Variants in DNAH8 observed in about 807,000 individuals in gnomAD.
DNAH8 encodes dynein axonemal heavy chain 8, also known as axonemal beta dynein heavy chain 8.
DNAH8 carries 382 observed loss-of-function variants against 562.1 expected under a neutral mutation model. The ratio of observed to expected loss-of-function variants is 0.68; its 90% CI spans 0.63 to 0.74. DNAH8 has a LOEUF of 0.74. DNAH8 is among the 30% of genes least tolerant of loss of function. The pLI is 0.00. For synonymous variants in DNAH8, 1,881 were observed against 1,919.4 expected (o/e 0.98, Z 0.52); for missense variants, 5,203 against 5,620.4 (o/e 0.93, Z 2.37).
chr6:39,015,679 C>T (rs1264734510), intron 91 of DNAH8, among the ~76,000 whole-genome samples: 4 of 152,318 alleles, frequency 2.6e-5, no homozygotes, highest in African/African-American at 4.8e-5. Flanking sequence ...TACCCAGTTT[C>T]GGGTATGTCT....
chr6:38,982,467 G>C lies in DNAH8; in HGVS notation c.12951+5G>C. 1 of 1,326,794 alleles carries C rather than the reference G, an allele frequency of 7.5e-7. No individual in the cohort carries two copies. 82.2% of individuals were successfully genotyped at this position (1,326,794 alleles called of 1,614,324 possible). On this transcript the variant is annotated splice_donor_5th_base_variant and intron_variant, in intron 86 of 92. Coordinates refer to ENST00000327475, the MANE Select transcript of DNAH8 (RefSeq NM_001206927.2). ...GATGAATGCGATATTAAGAAAGTGA[G>C]TGAAATTATGCCTTTTTTCCTGTTT...
At chr6:38,977,479 C>T (rs1028382686) in intron 85 of DNAH8, among the ~76,000 whole-genome samples, 10 of 151,972 alleles carry the variant, frequency 6.6e-5, no homozygotes, top group Admixed American at 1.3e-4. Context: ...TGCCTGGGCT[C>T]GGTTTGGCTG....
At chr6:38,973,495 T>G (rs146148182) in intron 83 of DNAH8, among the ~76,000 whole-genome samples, 166 bp from the exon 84 acceptor site, 6 of 152,356 alleles carry the variant, frequency 3.9e-5, no homozygotes, top group Admixed American at 1.3e-4. Flanking sequence ...CTTGTACCAA[T>G]TACTTGTACC....
At chr6:38,985,866 A>G (rs894042647) in intron 87 of DNAH8, among the ~76,000 whole-genome samples, 1 of 152,134 alleles carries the variant, frequency 6.6e-6, no homozygotes, top group African/African-American at 2.4e-5. Context: ...GTTCCTGGGG[A>G]GGGACAATGC....
intron 24 of DNAH8, 137 bp from the exon 25 acceptor site, chr6:38,813,917 T>C (rs538656990): frequency 2.8e-6 from 2 of 707,350 alleles, no homozygotes; most frequent in Non-Finnish European, 5.1e-6. Flanking sequence ...TAGGGTTCTG[T>C]TATAAGTAAT....
intron 56 of DNAH8, among the ~76,000 whole-genome samples, chr6:38,885,678 C>G (rs1001131998): frequency 6.6e-6 from 1 of 152,198 alleles, no homozygotes; most frequent in African/African-American, 2.4e-5. Flanking sequence ...CTCAGTACCT[C>G]TGCATTTGCA....
intron 30 of DNAH8, among the ~76,000 whole-genome samples, chr6:38,829,583 G>A: frequency 6.6e-6 from 1 of 152,154 alleles, no homozygotes; most frequent in Admixed American, 6.5e-5. Context: ...ATTGTTTACT[G>A]AAAAAACTAT....
chr6:38,875,156 C>T (rs1338488667), intron 52 of DNAH8, among the ~76,000 whole-genome samples: 1 of 152,220 alleles, frequency 6.6e-6, no homozygotes, highest in Non-Finnish European at 1.5e-5. Flanking sequence ...ATTTACCAAA[C>T]AGGTGGCCAG....
intron 79 of DNAH8, among the ~76,000 whole-genome samples, chr6:38,943,094 G>A (rs1426518947): frequency 6.6e-6 from 1 of 152,202 alleles, no homozygotes; most frequent in Non-Finnish European, 1.5e-5. Flanking sequence ...GTCAGTGAGA[G>A]GAGTTTGGAT....
At chr6:38,887,864 G>A (rs62398568) in intron 57 of DNAH8, among the ~76,000 whole-genome samples, 24,065 of 121,712 alleles carry the variant, frequency 0.2, 2,359 homozygotes, top group Middle Eastern at 0.29. Flanking sequence ...GAGATGGAGT[G>A]TCACTCTTGT....
At chr6:38,787,121 G>T (rs1048053109) in intron 18 of DNAH8, among the ~76,000 whole-genome samples, 169 bp downstream of exon 18, 1 of 151,946 alleles carries the variant, frequency 6.6e-6, no homozygotes, top group Admixed American at 6.6e-5. Context: ...CCAAAGAAAA[G>T]ATTGGAAATG....
At chr6:38,760,422 AT>A (rs1267217771) in intron 10 of DNAH8, among the ~76,000 whole-genome samples, 2 of 147,264 alleles carry the variant, frequency 1.4e-5, no homozygotes, top group African/African-American at 2.5e-5. Context: ...AGCTTTTAGG[AT>A]TTTTTTTCTT....
chr6:38,822,727 G>C, intron 26 of DNAH8, 111 bp from the exon 27 acceptor site: 1 of 831,576 alleles, frequency 1.2e-6, no homozygotes, highest in Non-Finnish European at 1.7e-6. Flanking sequence ...GTTTCTTGGA[G>C]GGAGAATCTT....
At chr6:38,934,225 C>A (rs777874012) in intron 76 of DNAH8, among the ~76,000 whole-genome samples, 1 of 151,848 alleles carries the variant, frequency 6.6e-6, no homozygotes, top group Non-Finnish European at 1.5e-5. Flanking sequence ...TGGTGGTGCA[C>A]GCCTGTAGTC....
intron 74 of DNAH8, chr6:38,928,061 A>G (rs934601462): frequency 2.0e-5 from 3 of 152,340 alleles, no homozygotes; most frequent in South Asian, 2.1e-4. Context: ...GCTACCTTCA[A>G]TGCCATCTCC....
Position 38,842,683 on chromosome 6 carries a change from G to T in DNAH8, c.4625G>T (p.Gly1542Val), listed in dbSNP as rs745505994. 13 of 1,612,802 alleles carry T rather than the reference G, an allele frequency of 8.1e-6. No homozygotes were observed. The highest frequency in any genetic ancestry group is 5.0e-5 in the Admixed American group (3 of 59,868). ...GAAAGATGTCGTAAACTTCCAAAAG[G>T]ACTTAAAGATTGGCAAGCTTTTTTG... ...FQNRCRKLPK[G>V]LKDWQAFLDL... Residue 1542 changes from glycine to valine, a missense_variant, in exon 35 of 93, where the codon GGA becomes GTA. By Grantham distance (109) the Gly-to-Val change is moderately radical (BLOSUM62 -3). Transcript: ENST00000327475.
At position 38,872,543 on chromosome 6, in the gene DNAH8, A is replaced by C; in HGVS notation, c.6998A>C (p.Glu2333Ala). The C allele has an allele frequency of 6.2e-7, 1 of 1,613,898 alleles. No individual in the cohort carries two copies. The highest frequency in any genetic ancestry group is 8.5e-7 in the Non-Finnish European group (1 of 1,179,822). ...PWNLKLVQLY[E>A]TSLVRHGLMT... The stretch of plus-strand genomic sequence containing the variant: ...TACTGGTTAATTGTGTAGTTATATG[A>C]GACGTCTTTGGTACGGCATGGCTTG... Residue 2333 changes from glutamate to alanine, a missense_variant, in exon 50 of 93, where the codon GAG (glutamate) becomes GCG (alanine). Glu to Ala is a moderately radical substitution (Grantham distance 107). Transcript: ENST00000327475.
intron 11 of DNAH8, chr6:38,763,590 G>A (rs1462839321): frequency 5.5e-6 from 1 of 182,142 alleles, no homozygotes; most frequent in African/African-American, 2.4e-5. Context: ...AAGACGGGTG[G>A]ATCCCTTGAG....
At chr6:38,721,253 A>T (rs1762724797) in intron 1 of DNAH8, among the ~76,000 whole-genome samples, 1 of 152,146 alleles carries the variant, frequency 6.6e-6, no homozygotes, top group African/African-American at 2.4e-5. Flanking sequence ...GAGCTTGAGT[A>T]CTGGTACTGT....
Sources: gnomAD v4.1 joint callset for allele counts (sites outside exome capture counted in the v4.1 genomes callset) on GRCh38, gnomAD v4.1.1 for gene constraint, MANE v1.5 for transcripts, NCBI Gene and HGNC (gene_info 2026-07-23, HGNC 2026-07-21) for gene names.